The following KAT2B variants were observed in gnomAD, a reference collection of about 807,000 sequenced individuals.
The protein encoded by KAT2B is lysine acetyltransferase 2B, also known as histone acetyltransferase KAT2B.
Under a neutral mutation model 105.9 loss-of-function variants are expected in KAT2B, and 36 were observed. The observed-to-expected ratio is 0.34, with a 90% CI of 0.26 to 0.45. The LOEUF is 0.45. KAT2B is among the 20% of genes least tolerant of loss of function. KAT2B has a pLI of 1.00. For missense variants in KAT2B, 820 were observed against 1,021.6 expected (o/e 0.80, Z 2.69); for synonymous variants, 397 against 377.9 (o/e 1.05, Z -0.59).
intron 1 of KAT2B, among the ~76,000 whole-genome samples, chr3:20,054,733 G>A (rs950518346): frequency 2.6e-5 from 4 of 152,222 alleles, no homozygotes; most frequent in Admixed American, 1.3e-4. Flanking sequence ...TGACAAGCTG[G>A]TGTTGAAACT....
At chr3:20,107,343 A>T (rs571911634) in intron 5 of KAT2B, among the ~76,000 whole-genome samples, 2 of 149,702 alleles carry the variant, frequency 1.3e-5, no homozygotes, top group South Asian at 2.1e-4. Context: ...TAATATATAT[A>T]TTTTTTACCC....
rs973066239 is a variant in KAT2B at position 20,154,213 on chromosome 3, C to A, written c.*1688C>A. ...TGTCTTTAAAATCAGATTGTCTCTT[C>A]TATATTGAAAGCATTTTTATGTTTT... On this transcript the variant is annotated 3_prime_UTR_variant, in exon 18 of 18. Coordinates refer to ENST00000263754, the MANE Select transcript of KAT2B (RefSeq NM_003884.5). 1.3e-5 allele frequency: 2 copies of A among 152,440 alleles called. No individual in the cohort carries two copies. The highest frequency in any genetic ancestry group is 1.9e-4 in the East Asian group (1 of 5,196). 9.4% of individuals were successfully genotyped at this position (152,440 alleles called of 1,614,324 possible).
intron 1 of KAT2B, among the ~76,000 whole-genome samples, chr3:20,070,758 C>G (rs1698308158): frequency 6.6e-6 from 1 of 150,942 alleles, no homozygotes; most frequent in South Asian, 2.1e-4. Context: ...CCTGTAATAC[C>G]TGCACTTTGG....
intron 2 of KAT2B, among the ~76,000 whole-genome samples, chr3:20,073,871 G>A (rs1180903347): frequency 3.3e-5 from 5 of 152,118 alleles, no homozygotes; most frequent in African/African-American, 4.8e-5. Flanking sequence ...TTATTGATTG[G>A]GAAATCCTAT....
At chr3:20,138,772 A>G (rs1283118167) in intron 12 of KAT2B, among the ~76,000 whole-genome samples, 1 of 152,178 alleles carries the variant, frequency 6.6e-6, no homozygotes, top group Non-Finnish European at 1.5e-5. Context: ...AACTATTAGT[A>G]TATAACTATA....
intron 1 of KAT2B, among the ~76,000 whole-genome samples, chr3:20,050,096 A>G (rs1234173106): frequency 1.3e-5 from 2 of 151,766 alleles, no homozygotes; most frequent in African/African-American, 4.8e-5. Flanking sequence ...GCTACTCAGA[A>G]GGCTGAGGTG....
intron 1 of KAT2B, among the ~76,000 whole-genome samples, chr3:20,058,109 T>C (rs1282505753): frequency 6.6e-6 from 1 of 152,152 alleles, no homozygotes; most frequent in Non-Finnish European, 1.5e-5. Context: ...GACCACTCTT[T>C]AATATTTGTT....
chr3:20,056,416 C>T (rs934261203), intron 1 of KAT2B, among the ~76,000 whole-genome samples: 2 of 152,026 alleles, frequency 1.3e-5, no homozygotes, highest in African/African-American at 4.8e-5. Context: ...ATAAAGAGTT[C>T]TTTGTTGGAG....
intron 7 of KAT2B, among the ~76,000 whole-genome samples, chr3:20,119,102 A>G (rs1032560848): frequency 4.6e-5 from 7 of 152,018 alleles, no homozygotes; most frequent in Non-Finnish European, 8.8e-5. Context: ...GGTGGTCACC[A>G]GCTTTCTCCA....
chr3:20,052,831 C>T (rs1697938524), intron 1 of KAT2B, among the ~76,000 whole-genome samples: 1 of 152,034 alleles, frequency 6.6e-6, no homozygotes, highest in Admixed American at 6.6e-5. Flanking sequence ...CGAAAATTAG[C>T]CAGGTGTGGT....
chr3:20,062,027 TAATA>T (rs1373442539), intron 1 of KAT2B, among the ~76,000 whole-genome samples: 3 of 101,700 alleles, frequency 2.9e-5, no homozygotes, highest in African/African-American at 4.2e-5. Context: ...ATATAAAACA[TAATA>T]TATATTATAT....
chr3:20,110,691 A>AT (rs1699105526), intron 5 of KAT2B, among the ~76,000 whole-genome samples: 4 of 140,092 alleles, frequency 2.9e-5, no homozygotes, highest in Non-Finnish European at 6.0e-5. Flanking sequence ...AAAAAAAAAA[A>AT]GAAAGAAAAA....
chr3:20,135,291 CTTA>C (rs1201277383), intron 11 of KAT2B, among the ~76,000 whole-genome samples: 1 of 152,124 alleles, frequency 6.6e-6, no homozygotes, highest in Non-Finnish European at 1.5e-5. Context: ...ATACCGTCCC[CTTA>C]TTATTATGCT....
chr3:20,088,454 T>C (rs76999560), intron 2 of KAT2B, among the ~76,000 whole-genome samples: 16,474 of 152,244 alleles, frequency 0.11, 1,269 homozygotes, highest in East Asian at 0.42. Context: ...ATCCTGAGCG[T>C]GAAGTGATAT....
chr3:20,063,871 A>G (rs1698181795), intron 1 of KAT2B, among the ~76,000 whole-genome samples: 1 of 151,994 alleles, frequency 6.6e-6, no homozygotes, highest in Non-Finnish European at 1.5e-5. Context: ...GAAGTCTTTC[A>G]TCTATTTTGA....
chr3:20,066,807 A>T (rs1251368143), intron 1 of KAT2B, among the ~76,000 whole-genome samples: 1 of 151,998 alleles, frequency 6.6e-6, no homozygotes, highest in African/African-American at 2.4e-5. Context: ...TTTTTACTTT[A>T]ACTGAATATT....
intron 2 of KAT2B, among the ~76,000 whole-genome samples, chr3:20,077,497 G>C (rs1698439866): frequency 6.6e-6 from 1 of 152,178 alleles, no homozygotes; most frequent in Admixed American, 6.5e-5. Context: ...CATGAAATGT[G>C]TTTACTCTGA....
At chr3:20,048,109 C>G (rs757770882) in intron 1 of KAT2B, among the ~76,000 whole-genome samples, 23 of 152,140 alleles carry the variant, frequency 1.5e-4, no homozygotes, top group Non-Finnish European at 2.5e-4. Context: ...TTATTGCATA[C>G]AATTGTATCC....
chr3:20,097,380 A>G (rs954649912), intron 3 of KAT2B, among the ~76,000 whole-genome samples: 1 of 152,138 alleles, frequency 6.6e-6, no homozygotes, highest in Non-Finnish European at 1.5e-5. Flanking sequence ...CAGTGCAAAT[A>G]TATTTGCTTG....
Sources: gnomAD v4.1 joint callset for allele counts (sites outside exome capture counted in the v4.1 genomes callset) on GRCh38, gnomAD v4.1.1 for gene constraint, MANE v1.5 for transcripts, NCBI Gene and HGNC (gene_info 2026-07-23, HGNC 2026-07-21) for gene names.